SRBD1: variants seen among roughly 807,000 people sequenced by gnomAD.
SRBD1 encodes S1 RNA-binding domain-containing protein 1.
A neutral mutation model predicts 115.3 loss-of-function variants in SRBD1; 88 were observed. The observed-to-expected ratio is 0.76, with a 90% CI of 0.64 to 0.91. The LOEUF is 0.91. Among genes scored for constraint, SRBD1 ranks in the 40% least tolerant of loss-of-function variants. The pLI is 0.00. For missense variants in SRBD1, 1,385 were observed against 1,177.4 expected (o/e 1.18, Z -2.58); for synonymous variants, 509 against 407.7 (o/e 1.25, Z -2.99).
At chr2:45,545,847 C>G (rs369792169) in intron 14 of SRBD1, among the ~76,000 whole-genome samples, 1 of 152,214 alleles carries the variant, frequency 6.6e-6, no homozygotes, top group Non-Finnish European at 1.5e-5. Flanking sequence ...ACTATAATAA[C>G]TGCCTGGCCT....
intron 4 of SRBD1, among the ~76,000 whole-genome samples, chr2:45,592,972 T>C (rs1390161428): frequency 6.6e-6 from 1 of 152,152 alleles, no homozygotes; most frequent in Non-Finnish European, 1.5e-5. Context: ...GAACAAGTCT[T>C]AGAGTTGGGA....
chr2:45,527,882 A>G (rs1267198348), intron 14 of SRBD1, among the ~76,000 whole-genome samples: 4 of 151,928 alleles, frequency 2.6e-5, no homozygotes, highest in East Asian at 3.9e-4. Flanking sequence ...TACCTTGTTT[A>G]TAGGAATCAT....
At chr2:45,586,156 G>C (rs1468377758) in intron 4 of SRBD1, among the ~76,000 whole-genome samples, 1 of 152,124 alleles carries the variant, frequency 6.6e-6, no homozygotes, top group Admixed American at 6.6e-5. Context: ...TGAGCAATTT[G>C]GCAATATCTA....
chr2:45,504,824 G>A (rs999472582), intron 14 of SRBD1, among the ~76,000 whole-genome samples: 10 of 152,110 alleles, frequency 6.6e-5, no homozygotes, highest in African/African-American at 2.4e-4. Flanking sequence ...ATGGTCACCA[G>A]TGTGTACATA....
chr2:45,438,244 T>C (rs1156286400), intron 16 of SRBD1, among the ~76,000 whole-genome samples: 1 of 152,216 alleles, frequency 6.6e-6, no homozygotes, highest in African/African-American at 2.4e-5. Context: ...GAGTTAATTA[T>C]CTGATTACCA....
At chr2:45,532,423 G>A (rs1671641252) in intron 14 of SRBD1, among the ~76,000 whole-genome samples, 2 of 151,724 alleles carry the variant, frequency 1.3e-5, no homozygotes, top group Non-Finnish European at 2.9e-5. Flanking sequence ...AAGACCCAAG[G>A]TCACGTCTAG....
intron 16 of SRBD1, among the ~76,000 whole-genome samples, chr2:45,442,011 T>C (rs940017404): frequency 1.3e-5 from 2 of 152,222 alleles, no homozygotes; most frequent in Non-Finnish European, 2.9e-5. Flanking sequence ...TAATTGGAAA[T>C]GTTTAAGTCT....
intron 4 of SRBD1, among the ~76,000 whole-genome samples, chr2:45,593,082 T>C (rs1673775401): frequency 6.6e-6 from 1 of 151,944 alleles, no homozygotes. Context: ...GGAATGAGAG[T>C]AAAGGGGAAA....
rs564878666 is a variant in SRBD1 at position 45,409,989 on chromosome 2, T to G, written c.2513+3125A>C. ...ACCACAAACTGGGAAAAAATATTCA[T>G]AAATCATATATTTGACAAAGTACAT... On this transcript the variant is annotated intron_variant, in intron 19 of 20. Transcript: ENST00000263736. 5.9e-5 allele frequency among the ~76,000 whole-genome samples: 9 copies of G among 152,270 alleles called. No homozygotes were observed. The East Asian group carries it at 1.7e-3, about 29-fold the overall frequency.
intron 4 of SRBD1, among the ~76,000 whole-genome samples, chr2:45,589,035 T>TC (rs1019089872): frequency 3.3e-5 from 5 of 152,130 alleles, no homozygotes; most frequent in Admixed American, 6.5e-5. Flanking sequence ...GTCTGTTCCC[T>TC]CCCCCCTCAA....
intron 9 of SRBD1, among the ~76,000 whole-genome samples, chr2:45,565,341 G>A (rs1572783636): frequency 6.6e-6 from 1 of 152,154 alleles, no homozygotes; most frequent in East Asian, 1.9e-4. Context: ...AGTGTCAACT[G>A]ATTTTCAACA....
At chr2:45,406,557 G>C (rs1265048154) in intron 19 of SRBD1, among the ~76,000 whole-genome samples, 1 of 152,066 alleles carries the variant, frequency 6.6e-6, no homozygotes, top group Non-Finnish European at 1.5e-5. Flanking sequence ...CTGGCTCTAG[G>C]ATGAACACGC....
chr2:45,498,787 C>T (rs1247426978), intron 14 of SRBD1, among the ~76,000 whole-genome samples: 2 of 152,230 alleles, frequency 1.3e-5, no homozygotes, highest in African/African-American at 2.4e-5. Flanking sequence ...AGCATAATGG[C>T]CTCCAGTTCC....
intron 16 of SRBD1, among the ~76,000 whole-genome samples, chr2:45,450,369 T>C (rs1409265726): frequency 6.6e-6 from 1 of 152,122 alleles, no homozygotes; most frequent in African/African-American, 2.4e-5. Flanking sequence ...AGTAAATGAA[T>C]GAAAAATGTT....
chr2:45,549,696 CAA>C (rs10646755), intron 12 of SRBD1, among the ~76,000 whole-genome samples: 3 of 84,742 alleles, frequency 3.5e-5, no homozygotes, highest in Non-Finnish European at 4.4e-5. Flanking sequence ...ACTAAAAATA[CAA>C]AAAAAAAAAA....
intron 16 of SRBD1, among the ~76,000 whole-genome samples, chr2:45,428,844 C>T (rs1668242048): frequency 6.6e-6 from 1 of 151,916 alleles, no homozygotes; most frequent in Non-Finnish European, 1.5e-5. Context: ...GATACAGATA[C>T]AAAAAACTCT....
chr2:45,439,618 T>C (rs1668600363), intron 16 of SRBD1, among the ~76,000 whole-genome samples: 1 of 151,490 alleles, frequency 6.6e-6, no homozygotes, highest in South Asian at 2.1e-4. Flanking sequence ...GAACAAGAAA[T>C]GATCAAAAAG....
At chr2:45,410,310 G>A (rs1249214474) in intron 19 of SRBD1, among the ~76,000 whole-genome samples, 2 of 152,134 alleles carry the variant, frequency 1.3e-5, no homozygotes, top group Non-Finnish European at 2.9e-5. Context: ...GAAATGGTAC[G>A]ACCAGAGGAG....
intron 16 of SRBD1, among the ~76,000 whole-genome samples, chr2:45,442,684 T>C (rs1296993278): frequency 2.0e-5 from 3 of 152,188 alleles, no homozygotes. Context: ...TCTCAACCCA[T>C]CAAGGGAATA....
Sources: allele counts gnomAD v4.1 joint callset (sites outside exome capture counted in the v4.1 genomes callset), GRCh38; gene constraint gnomAD v4.1.1; transcripts MANE v1.5; gene names NCBI Gene and HGNC (gene_info 2026-07-23, HGNC 2026-07-21).